Variants in TPTE2 observed in about 807,000 individuals in gnomAD.
TPTE2 encodes the protein transmembrane phosphoinositide 3-phosphatase and tensin homolog 2, also known as phosphatidylinositol 3,4,5-trisphosphate 3-phosphatase TPTE2.
A neutral mutation model predicts 78.6 loss-of-function variants in TPTE2; 53 were observed. The ratio of observed to expected loss-of-function variants is 0.67; its 90% CI spans 0.54 to 0.85. The LOEUF (loss-of-function observed/expected upper bound fraction) is 0.85, where lower values mean the gene tolerates loss of function less well. Ranked by LOEUF, TPTE2 falls within the 40% of genes least tolerant of loss-of-function variation. TPTE2 has a pLI of 0.00. For missense variants in TPTE2, 461 were observed against 623.0 expected, an observed-to-expected ratio of 0.74 and a Z score of 2.77; for synonymous variants, 175 against 206.2, an observed-to-expected ratio of 0.85 and a Z score of 1.30.
At chr13:19,537,589 A>C (rs1341723320), upstream of TPTE2, among the ~76,000 whole-genome samples, 3 of 146,712 alleles carry the variant, frequency 2.0e-5, no homozygotes, top group Non-Finnish European at 4.5e-5. Flanking sequence ...TGTTTGGGAC[A>C]GAAGTGTTTT....
At chr13:19,547,571 T>C in the TPTE2 span, among the ~76,000 whole-genome samples, 7 of 151,950 alleles carry the variant, frequency 4.6e-5, no homozygotes, top group African/African-American at 2.4e-5. Context: ...GGATCTACTA[T>C]AGCTCCATTA....
chr13:19,447,437 CTG>C (rs1877914254), intron 13 of TPTE2, among the ~76,000 whole-genome samples: 1 of 152,132 alleles, frequency 6.6e-6, no homozygotes, highest in Non-Finnish European at 1.5e-5. Context: ...TGGTTAAAAA[CTG>C]GCAATTTCAA....
At chr13:19,445,358 A>T (rs139273022) in intron 13 of TPTE2, among the ~76,000 whole-genome samples, 1 of 152,294 alleles carries the variant, frequency 6.6e-6, no homozygotes, top group African/African-American at 2.4e-5. Flanking sequence ...AACTTCCTCA[A>T]ACTTATTAGT....
At chr13:19,532,395 T>C (rs1275597114) in intron 1 of TPTE2, among the ~76,000 whole-genome samples, 4 of 152,132 alleles carry the variant, frequency 2.6e-5, no homozygotes, top group Non-Finnish European at 5.9e-5. Context: ...TCCCTCTTTT[T>C]CTTCTGCCTT....
At chr13:19,452,997 TTTATTTTATTTTATGTTATTTTATG>T (rs1878283959) in intron 10 of TPTE2, among the ~76,000 whole-genome samples, 1 of 137,826 alleles carries the variant, frequency 7.3e-6, no homozygotes, top group African/African-American at 2.8e-5. Flanking sequence ...TTTATTTTAT[TTTATTTTATTTTATGTTATTTTATG>T]TTATTTTATT....
At chr13:19,517,834 T>C (rs943514902) in intron 1 of TPTE2, among the ~76,000 whole-genome samples, 6 of 152,094 alleles carry the variant, frequency 3.9e-5, no homozygotes, top group Admixed American at 1.3e-4. Context: ...CAGATACTCA[T>C]TAAAGATGAG....
At chr13:19,549,565 T>G in the TPTE2 span, among the ~76,000 whole-genome samples, 2 of 149,362 alleles carry the variant, frequency 1.3e-5, no homozygotes, top group African/African-American at 4.9e-5. Context: ...AAATGTAAAT[T>G]AGTTCAGCCA....
chr13:19,436,427 T>A, intron 14 of TPTE2, 121 bp from the exon 18 acceptor site: 1 of 982,132 alleles, frequency 1.0e-6, no homozygotes, highest in Non-Finnish European at 1.5e-6. Flanking sequence ...GTTTGTTTGT[T>A]TTTTTGGTAG....
intron 13 of TPTE2, 170 bp from the exon 17 acceptor site, chr13:19,438,323 G>A (rs920133021): frequency 1.3e-5 from 13 of 985,158 alleles, no homozygotes; most frequent in East Asian, 2.3e-4. Flanking sequence ...TGCAACCTCC[G>A]CCTCACAGGT....
At chr13:19,464,574 C>CA (rs34800894) in intron 9 of TPTE2, 54 bp from the exon 13 acceptor site, 31 of 1,554,862 alleles carry the variant, frequency 2.0e-5, no homozygotes, top group African/African-American at 4.2e-5. Flanking sequence ...TCATATAACA[C>CA]AAAAAAAATT....
chr13:19,556,534 C>G, the TPTE2 span, among the ~76,000 whole-genome samples: 2 of 152,016 alleles, frequency 1.3e-5, no homozygotes, highest in Admixed American at 6.6e-5. Flanking sequence ...AACATTCTCC[C>G]CCCCACCTTT....
intron 3 of TPTE2, among the ~76,000 whole-genome samples, chr13:19,488,237 T>C: frequency 6.6e-6 from 1 of 152,226 alleles, no homozygotes; most frequent in East Asian, 1.9e-4. Context: ...TCTTGCTTGA[T>C]TTAGCATAAT....
At chr13:19,514,432 C>T (rs1221192124) in intron 1 of TPTE2, among the ~76,000 whole-genome samples, 1 of 151,966 alleles carries the variant, frequency 6.6e-6, no homozygotes, top group Non-Finnish European at 1.5e-5. Context: ...CATAACTCTA[C>T]CAAAGAGTAA....
At chr13:19,441,490 A>G (rs1167450261) in intron 13 of TPTE2, among the ~76,000 whole-genome samples, 1 of 152,250 alleles carries the variant, frequency 6.6e-6, no homozygotes, top group Non-Finnish European at 1.5e-5. Context: ...AATAAAAAAT[A>G]CAAGAATCAT....
chr13:19,518,291 T>C (rs1472099068), intron 1 of TPTE2, among the ~76,000 whole-genome samples: 7 of 152,226 alleles, frequency 4.6e-5, no homozygotes, highest in African/African-American at 1.7e-4. Context: ...CTAATTACCA[T>C]GATTTGATCA....
At chr13:19,444,609 A>G (rs978266971) in intron 13 of TPTE2, among the ~76,000 whole-genome samples, 3 of 152,138 alleles carry the variant, frequency 2.0e-5, no homozygotes, top group African/African-American at 7.2e-5. Context: ...ATGAGTCAAT[A>G]TTGTAAAGAT....
At chr13:19,506,749 C>A (rs371331252), upstream of TPTE2, among the ~76,000 whole-genome samples, 1 of 152,138 alleles carries the variant, frequency 6.6e-6, no homozygotes, top group Admixed American at 6.5e-5. Flanking sequence ...CTACTGACAA[C>A]CTCAATTTCA....
At chr13:19,555,850 G>A in the TPTE2 span, among the ~76,000 whole-genome samples, 1 of 111,028 alleles carries the variant, frequency 9.0e-6, no homozygotes, top group Admixed American at 1.4e-4. Flanking sequence ...AGTTTTGCTC[G>A]TTGCCATGCT....
At chr13:19,519,250 G>T (rs1169243667) in intron 1 of TPTE2, among the ~76,000 whole-genome samples, 1 of 152,030 alleles carries the variant, frequency 6.6e-6, no homozygotes, top group Admixed American at 6.6e-5. Context: ...AAAAACTGCT[G>T]TATCAGGGCC....
Sources: gnomAD v4.1 joint callset for allele counts (sites outside exome capture counted in the v4.1 genomes callset) on GRCh38, gnomAD v4.1.1 for gene constraint, MANE v1.5 for transcripts, NCBI Gene and HGNC (gene_info 2026-07-23, HGNC 2026-07-21) for gene names.